The following NUDCD3 variants were observed in gnomAD, a reference collection of about 807,000 sequenced individuals.
NUDCD3 encodes the protein NudC domain containing 3, also known as nudC domain-containing protein 3.
In NUDCD3, 13 loss-of-function variants were observed where a neutral mutation model predicts 39.7. The ratio of observed to expected loss-of-function variants is 0.33; its 90% CI spans 0.21 to 0.52. The LOEUF (loss-of-function observed/expected upper bound fraction) is 0.52. NUDCD3 is among the 20% of genes least tolerant of loss of function. NUDCD3 has a pLI of 0.96. For missense variants in NUDCD3, 453 were observed against 458.1 expected, an observed-to-expected ratio of 0.99 and a Z score of 0.10; for synonymous variants, 175 against 172.4, an observed-to-expected ratio of 1.02 and a Z score of -0.12.
chr7:44,468,555 T>C (rs1184580787), intron 2 of NUDCD3, among the ~76,000 whole-genome samples: 1 of 152,058 alleles, frequency 6.6e-6, no homozygotes, highest in East Asian at 1.9e-4. Context: ...AAGATAAATG[T>C]AACAGTTTCA....
At chr7:44,442,797 G>A (rs149730077) in intron 2 of NUDCD3, among the ~76,000 whole-genome samples, 1,646 of 148,484 alleles carry the variant, frequency 0.011, 28 homozygotes, top group African/African-American at 0.039. Flanking sequence ...CCGGGTTCAC[G>A]CCATTCTCCT....
intron 3 of NUDCD3, among the ~76,000 whole-genome samples, chr7:44,407,972 C>T (rs1030760401): frequency 1.3e-5 from 2 of 151,768 alleles, no homozygotes; most frequent in African/African-American, 4.8e-5. Context: ...AAAGTCCCAC[C>T]AAGAGCTAAG....
chr7:44,419,633 C>T (rs1046060114), intron 3 of NUDCD3, among the ~76,000 whole-genome samples: 2 of 152,258 alleles, frequency 1.3e-5, no homozygotes, highest in East Asian at 1.9e-4. Flanking sequence ...CCCTCTGGGA[C>T]GAAGCTTCCA....
Position 44,484,952 on chromosome 7 carries a change from A to C in NUDCD3, c.509+16T>G, listed in dbSNP as rs114410356. 1,225 of 1,568,064 alleles carry C rather than the reference A, an allele frequency of 7.8e-4. 11 individuals are homozygous for C. The African/African-American group carries it at 0.014, about 18-fold the overall frequency. ...TTACGCAAGAAAGAAGGAAGCTGCA[A>C]AGTAGAAATTCCCACCTGGGAAGAA... On this transcript the variant is annotated intron_variant, in intron 2 of 5. Transcript: ENST00000355451.
chr7:44,426,148 C>G, intron 3 of NUDCD3: 1 of 985,470 alleles, frequency 1.0e-6, no homozygotes, highest in African/African-American at 1.7e-5. Flanking sequence ...GGGTCTCACC[C>G]ATGACCTGAT....
In NUDCD3 at chr7:44,381,836, C is replaced by T. The variant is rs1397130359; in HGVS notation, c.*4175G>A. ...CCATCAGCACTGAGAAGACAGCAAA[C>T]GCCAGCTTGCCAGGGGTTTACCCAG... On this transcript the variant is annotated 3_prime_UTR_variant, in exon 6 of 6. Coordinates refer to ENST00000355451, the MANE Select transcript of NUDCD3 (RefSeq NM_015332.4). 2.0e-5 allele frequency: 3 copies of T among 152,352 alleles called. No homozygotes were observed. The highest frequency in any genetic ancestry group is 6.5e-5 in the Admixed American group (1 of 15,284). 9.4% of individuals were successfully genotyped at this position (152,352 alleles called of 1,614,324 possible).
At chr7:44,483,099 T>C (rs1371742802) in intron 2 of NUDCD3, among the ~76,000 whole-genome samples, 1 of 152,098 alleles carries the variant, frequency 6.6e-6, no homozygotes, top group Admixed American at 6.5e-5. Context: ...TGTGTGTGTG[T>C]GCTCAAAAGT....
At chr7:44,416,648 A>G (rs980777835) in intron 3 of NUDCD3, among the ~76,000 whole-genome samples, 1 of 152,246 alleles carries the variant, frequency 6.6e-6, no homozygotes, top group Non-Finnish European at 1.5e-5. Context: ...TAGGTCAGCG[A>G]GCATCACAAA....
intron 2 of NUDCD3, among the ~76,000 whole-genome samples, chr7:44,440,362 A>G (rs934965077): frequency 6.6e-6 from 1 of 152,200 alleles, no homozygotes; most frequent in Non-Finnish European, 1.5e-5. Context: ...GTGAACGTCC[A>G]TGAAAATCAA....
At chr7:44,396,846 C>A (rs1798634937) in intron 4 of NUDCD3, among the ~76,000 whole-genome samples, 2 of 152,296 alleles carry the variant, frequency 1.3e-5, no homozygotes, top group South Asian at 4.1e-4. Context: ...GTGCAAGATG[C>A]AGTTCTGGGA....
intron 2 of NUDCD3, among the ~76,000 whole-genome samples, chr7:44,438,145 C>G (rs1799501112): frequency 6.6e-6 from 1 of 152,050 alleles, no homozygotes; most frequent in African/African-American, 2.4e-5. Context: ...TGCTTGAGGG[C>G]AGGAGTTCGA....
chr7:44,448,902 AG>A, intron 2 of NUDCD3, among the ~76,000 whole-genome samples: 1 of 152,250 alleles, frequency 6.6e-6, no homozygotes, highest in East Asian at 1.9e-4. Context: ...ACAAGCAAGA[AG>A]GGAAGAAGGT....
chr7:44,404,483 G>T lies in NUDCD3; in HGVS notation c.743C>A (p.Thr248Asn). Residue 248 changes from threonine (T) to asparagine (N), a missense_variant, in exon 4 of 6, where the codon ACT (threonine) becomes AAT (asparagine). By Grantham distance (65) the Thr-to-Asn change is moderately conservative (BLOSUM62 0). Transcript: ENST00000355451. ...MEGKLTHKIN[T>N]ESSLWSLEPG... ...CTCGAGACTCCAGAGAGAACTCTCA[G>T]TGTTGATCTTGTGGGTGAGCTTCCC... The T allele has an allele frequency of 6.2e-7, 1 of 1,614,158 alleles. No homozygotes were observed. Among genetic ancestry groups the T allele is most frequent in the Non-Finnish European group, 8.5e-7 (1 of 1,180,020 alleles).
intron 2 of NUDCD3, among the ~76,000 whole-genome samples, chr7:44,469,679 T>C (rs1800211715): frequency 6.6e-6 from 1 of 152,258 alleles, no homozygotes; most frequent in Admixed American, 6.5e-5. Context: ...TGATCACAAT[T>C]AACATCAGAA....
chr7:44,428,140 A>AAT (rs1444289255), intron 2 of NUDCD3, among the ~76,000 whole-genome samples: 1 of 150,326 alleles, frequency 6.7e-6, no homozygotes, highest in Non-Finnish European at 1.5e-5. Context: ...AAAAAAAAAA[A>AAT]AAAAAAAAAA....
At chr7:44,447,820 A>G (rs1156724275) in intron 2 of NUDCD3, among the ~76,000 whole-genome samples, 3 of 152,224 alleles carry the variant, frequency 2.0e-5, no homozygotes, top group Non-Finnish European at 4.4e-5. Flanking sequence ...GACATCAATT[A>G]GAAGGGAATA....
At chr7:44,412,806 A>G (rs1368296835) in intron 3 of NUDCD3, among the ~76,000 whole-genome samples, 4 of 151,898 alleles carry the variant, frequency 2.6e-5, no homozygotes, top group African/African-American at 9.7e-5. Flanking sequence ...AGGCGCCTGT[A>G]TTCCCAGCTA....
intron 4 of NUDCD3, among the ~76,000 whole-genome samples, chr7:44,399,996 C>T (rs10280545): frequency 0.13 from 19,576 of 152,230 alleles, 1,671 homozygotes; most frequent in Non-Finnish European, 0.19. Context: ...ATTCACCTCA[C>T]ATACAGCTAC....
intron 2 of NUDCD3, among the ~76,000 whole-genome samples, chr7:44,452,429 A>G (rs1005850751): frequency 2.0e-5 from 3 of 152,212 alleles, no homozygotes; most frequent in Non-Finnish European, 4.4e-5. Flanking sequence ...AGAGTCTCAG[A>G]GACAAAAGAG....
Sources: allele counts gnomAD v4.1 joint callset (sites outside exome capture counted in the v4.1 genomes callset), GRCh38; gene constraint gnomAD v4.1.1; transcripts MANE v1.5; gene names NCBI Gene and HGNC (gene_info 2026-07-23, HGNC 2026-07-21).